RNGTT: variants seen among roughly 807,000 people sequenced by gnomAD.
RNGTT encodes mRNA-capping enzyme.
A neutral mutation model predicts 79.3 loss-of-function variants in RNGTT; 33 were observed. The observed-to-expected ratio is 0.42, with a 90% CI of 0.32 to 0.56. RNGTT has a LOEUF of 0.56. RNGTT is among the 20% of genes least tolerant of loss of function. RNGTT has a pLI of 0.17. For synonymous variants in RNGTT, 222 were observed against 235.9 expected (o/e 0.94, Z 0.54); for missense variants, 497 against 739.1 (o/e 0.67, Z 3.80).
intron 13 of RNGTT, among the ~76,000 whole-genome samples, chr6:88,747,934 C>T (rs1777716967): frequency 6.6e-6 from 1 of 152,160 alleles, no homozygotes; most frequent in Non-Finnish European, 1.5e-5. Flanking sequence ...TCAAGGCTAG[C>T]TATCATCTAG....
At chr6:88,946,789 C>A (rs1044585135) in intron 1 of RNGTT, among the ~76,000 whole-genome samples, 6 of 146,938 alleles carry the variant, frequency 4.1e-5, no homozygotes, top group Admixed American at 2.0e-4. Context: ...CGAATGCCTG[C>A]GATTGCAGGC....
At position 88,805,170 on chromosome 6, in the gene RNGTT, C is replaced by T. The variant is rs556924124; in HGVS notation, c.1270-3538G>A. Among the ~76,000 whole-genome samples, 3 of 152,200 alleles carry T rather than the reference C, an allele frequency of 2.0e-5. No individual in the cohort carries two copies. The South Asian group carries it at 6.2e-4, about 32-fold the overall frequency. ...TGCAGGCAACCAAATAAACTGAATC[C>T]CAGCCCCTCCAAAGGAGGGTGAAGT... On this transcript the variant is annotated intron_variant, in intron 11 of 15. Transcript: ENST00000369485.
intron 12 of RNGTT, among the ~76,000 whole-genome samples, chr6:88,771,358 C>T (rs1283821999): frequency 2.2e-3 from 289 of 131,194 alleles, no homozygotes; most frequent in African/African-American, 7.0e-3. Context: ...TATACACACA[C>T]ACACACACAC....
chr6:88,811,686 G>A (rs572621275), intron 11 of RNGTT, among the ~76,000 whole-genome samples: 27 of 152,188 alleles, frequency 1.8e-4, no homozygotes, highest in Non-Finnish European at 3.1e-4. Flanking sequence ...TTAGAAATAC[G>A]AATTGGCAAT....
intron 13 of RNGTT, among the ~76,000 whole-genome samples, chr6:88,715,218 G>T (rs1776466235): frequency 6.6e-6 from 1 of 152,136 alleles, no homozygotes; most frequent in African/African-American, 2.4e-5. Flanking sequence ...ATTCACAATT[G>T]CTTCAAAAAG....
chr6:88,705,969 G>C (rs1230894702), intron 13 of RNGTT, among the ~76,000 whole-genome samples: 2 of 151,614 alleles, frequency 1.3e-5, no homozygotes, highest in African/African-American at 4.9e-5. Context: ...ATTTGGGGCA[G>C]TAGGAAGAAT....
intron 6 of RNGTT, among the ~76,000 whole-genome samples, chr6:88,904,048 T>C (rs1270515867): frequency 1.3e-5 from 2 of 152,226 alleles, no homozygotes; most frequent in Non-Finnish European, 2.9e-5. Flanking sequence ...GCAGAATTCA[T>C]ATGTAAAGTT....
intron 2 of RNGTT, among the ~76,000 whole-genome samples, chr6:88,934,020 A>G (rs912716773): frequency 6.6e-6 from 1 of 151,866 alleles, no homozygotes; most frequent in Admixed American, 6.6e-5. Context: ...TTGTCTTTAT[A>G]ATAGTTTTGT....
intron 11 of RNGTT, among the ~76,000 whole-genome samples, chr6:88,840,800 T>C (rs1582527855): frequency 6.6e-6 from 1 of 150,820 alleles, no homozygotes; most frequent in East Asian, 1.9e-4. Context: ...AGTGAAAAAC[T>C]ACATAACAAG....
intron 8 of RNGTT, among the ~76,000 whole-genome samples, chr6:88,877,127 G>C (rs1406292043): frequency 6.6e-6 from 1 of 152,110 alleles, no homozygotes; most frequent in East Asian, 1.9e-4. Context: ...TTTTCTTCTT[G>C]TGCAATAACT....
Position 88,738,272 on chromosome 6 carries a change from T to C in RNGTT, c.1439+31502A>G, listed in dbSNP as rs186982793. On this transcript the variant is annotated intron_variant, in intron 13 of 15. Coordinates refer to ENST00000369485, the MANE Select transcript of RNGTT (RefSeq NM_003800.5). ...GAGCAGTGCTTCTCACAACTGGCAA[T>C]GTCATTAAAAACGCGGAAAGTATGA... Among the ~76,000 whole-genome samples the C allele has an allele frequency of 2.0e-4, 30 of 152,208 alleles. No homozygotes were observed. In the East Asian group the frequency reaches 5.0e-3, roughly 26 times the overall value.
intron 13 of RNGTT, among the ~76,000 whole-genome samples, chr6:88,708,560 A>G (rs1423685981): frequency 6.6e-6 from 1 of 151,936 alleles, no homozygotes; most frequent in South Asian, 2.1e-4. Flanking sequence ...TTTGGTCTTT[A>G]GGGCTGGTGC....
chr6:88,676,557 T>C (rs1020449923), intron 14 of RNGTT, among the ~76,000 whole-genome samples: 4 of 152,140 alleles, frequency 2.6e-5, no homozygotes, highest in Non-Finnish European at 5.9e-5. Context: ...AACAAAAGCA[T>C]GAGCCATGAA....
chr6:88,900,890 C>T (rs955339333), intron 6 of RNGTT, among the ~76,000 whole-genome samples: 29 of 151,388 alleles, frequency 1.9e-4, no homozygotes, highest in African/African-American at 7.0e-4. Flanking sequence ...GCCTATAATG[C>T]TAGCTCTCTG....
At chr6:88,843,036 T>C (rs547111486) in intron 11 of RNGTT, among the ~76,000 whole-genome samples, 3 of 151,884 alleles carry the variant, frequency 2.0e-5, no homozygotes, top group South Asian at 2.1e-4. Flanking sequence ...GATGGCACCA[T>C]TGCACTCCAG....
intron 9 of RNGTT, among the ~76,000 whole-genome samples, chr6:88,852,901 G>A (rs1218845175): frequency 2.6e-5 from 4 of 152,144 alleles, no homozygotes; most frequent in African/African-American, 2.4e-5. Flanking sequence ...ATACACAATG[G>A]TAAACCATTC....
rs145107564 is a variant in RNGTT at position 88,738,144 on chromosome 6, C to T, written c.1439+31630G>A. ...ACTCTTGATACAGTGTGATAGAAAT[C>T]GCACTTCATCTGTGATCTTCTTTCC... On this transcript the variant is annotated intron_variant, in intron 13 of 15. Transcript: ENST00000369485. Among the ~76,000 whole-genome samples, 930 of 152,198 alleles carry T rather than the reference C, an allele frequency of 6.1e-3. 18 individuals carry two copies. The highest frequency in any genetic ancestry group is 0.02 in the African/African-American group (849 of 41,546).
At chr6:88,750,706 C>T (rs1236517749) in intron 13 of RNGTT, among the ~76,000 whole-genome samples, 4 of 152,110 alleles carry the variant, frequency 2.6e-5, no homozygotes, top group Non-Finnish European at 5.9e-5. Flanking sequence ...TTCCCGAGTT[C>T]CACGCCTTCT....
chr6:88,744,155 A>T (rs575194386), intron 13 of RNGTT, among the ~76,000 whole-genome samples: 2 of 152,200 alleles, frequency 1.3e-5, no homozygotes, highest in Non-Finnish European at 2.9e-5. Context: ...TGACTATATG[A>T]TTTAACATAA....
Sources: gnomAD v4.1 joint callset for allele counts (sites outside exome capture counted in the v4.1 genomes callset) on GRCh38, gnomAD v4.1.1 for gene constraint, MANE v1.5 for transcripts, NCBI Gene and HGNC (gene_info 2026-07-23, HGNC 2026-07-21) for gene names.